TRPM6: variants seen among roughly 807,000 people sequenced by gnomAD.
TRPM6 encodes the protein transient receptor potential cation channel subfamily M member 6.
Under a neutral mutation model 247.6 loss-of-function variants are expected in TRPM6, and 111 were observed. The ratio of observed to expected loss-of-function variants is 0.45; its 90% CI spans 0.38 to 0.52. The LOEUF (loss-of-function observed/expected upper bound fraction) is 0.52, where lower values mean the gene tolerates loss of function less well. Among genes scored for constraint, TRPM6 ranks in the 20% least tolerant of loss-of-function variants. The pLI, the probability that TRPM6 is intolerant of heterozygous loss-of-function variation, is 0.00. For missense variants in TRPM6, 2,126 were observed against 2,421.5 expected, an observed-to-expected ratio of 0.88 and a Z score of 2.56; for synonymous variants, 892 against 853.8, an observed-to-expected ratio of 1.04 and a Z score of -0.78.
intron 23 of TRPM6, among the ~76,000 whole-genome samples, chr9:74,778,408 C>A (rs538245979): frequency 6.6e-6 from 1 of 152,212 alleles, no homozygotes; most frequent in East Asian, 1.9e-4. Context: ...TGAGATGTGA[C>A]TGTCACCAAC....
chr9:74,873,361 T>C (rs1831087977), intron 1 of TRPM6, among the ~76,000 whole-genome samples: 1 of 152,226 alleles, frequency 6.6e-6, no homozygotes, highest in Non-Finnish European at 1.5e-5. Flanking sequence ...CTGTACTCTA[T>C]GTCTCCAAAG....
intron 30 of TRPM6, among the ~76,000 whole-genome samples, chr9:74,749,412 T>C (rs1826163746): frequency 6.6e-6 from 1 of 152,246 alleles, no homozygotes; most frequent in Non-Finnish European, 1.5e-5. Context: ...TGTTTTTTAA[T>C]TAGCTTTGTG....
rs767563071 is a variant in TRPM6, at chr9:74,808,141, T to A, written c.1531A>T (p.Ile511Phe). The A allele has an allele frequency of 1.2e-6, 2 of 1,614,012 alleles. No individual in the cohort carries two copies. Among genetic ancestry groups the A allele is most frequent in the Non-Finnish European group, 8.5e-7 (1 of 1,179,938 alleles). The change falls in exon 14 of 39, where the codon ATT becomes TTT. Residue 511 changes from isoleucine to phenylalanine, a missense_variant. Coordinates refer to ENST00000360774, the MANE Select transcript of TRPM6 (RefSeq NM_017662.5). The stretch of plus-strand genomic sequence containing the variant: ...TATTCTACTACTAATCCAATGTCAA[T>A]CAAGGTTATTCGGTAGCCTGAAAGA... Reference protein sequence around the residue: ...TLLSGYRITLIDIGLVVEYLI... With the variant: ...TLLSGYRITLFDIGLVVEYLI...
chr9:74,781,629 A>G (rs574728729), intron 23 of TRPM6, among the ~76,000 whole-genome samples: 2 of 152,064 alleles, frequency 1.3e-5, no homozygotes, highest in East Asian at 1.9e-4. Flanking sequence ...AAGGAGAGGA[A>G]GAAAGAGAGA....
rs1394959339 is a variant in TRPM6, at chr9:74,723,758, T to C, written c.*855A>G. The C allele has an allele frequency of 6.7e-6, 1 of 148,604 alleles. No homozygotes were observed. The highest frequency in any genetic ancestry group is 2.1e-4 in the South Asian group (1 of 4,752). The allele number at this position is 148,604 out of a possible 1,614,324, so 9.2% of individuals were successfully genotyped here. On this transcript the variant is annotated 3_prime_UTR_variant, in exon 39 of 39. Transcript: ENST00000360774. ...CAGAGGTTGCAGTGAGATCGCATCA[T>C]TGCACTCCAGCCTGGGTAAAAAGAG...
At chr9:74,861,931 C>T (rs1309055998) in intron 1 of TRPM6, among the ~76,000 whole-genome samples, 3 of 151,950 alleles carry the variant, frequency 2.0e-5, no homozygotes, top group African/African-American at 7.3e-5. Context: ...GCCCCAGGGC[C>T]TAACCCAATG....
chr9:74,811,046 T>C (rs1385471215), intron 12 of TRPM6, among the ~76,000 whole-genome samples, 178 bp from the exon 13 acceptor site: 1 of 152,182 alleles, frequency 6.6e-6, no homozygotes, highest in Non-Finnish European at 1.5e-5. Context: ...GAAGATGTAT[T>C]TATATGAAAT....
intron 1 of TRPM6, among the ~76,000 whole-genome samples, chr9:74,883,392 G>A (rs1831426607): frequency 6.6e-6 from 1 of 152,088 alleles, no homozygotes; most frequent in Non-Finnish European, 1.5e-5. Context: ...CTCTAGGAAA[G>A]GAAAACCAAA....
chr9:74,797,372 C>T (rs1349355209), intron 17 of TRPM6, among the ~76,000 whole-genome samples: 1 of 152,186 alleles, frequency 6.6e-6, no homozygotes, highest in Non-Finnish European at 1.5e-5. Flanking sequence ...AAATCTGAGG[C>T]TGCTCAAGTC....
At chr9:74,786,671 C>T (rs1193662732) in intron 20 of TRPM6, among the ~76,000 whole-genome samples, 1 of 151,984 alleles carries the variant, frequency 6.6e-6, no homozygotes, top group Non-Finnish European at 1.5e-5. Flanking sequence ...ACCCGGGAGG[C>T]GGAGCTTGCA....
At chr9:74,877,223 G>A (rs571542859) in intron 1 of TRPM6, among the ~76,000 whole-genome samples, 12 of 152,164 alleles carry the variant, frequency 7.9e-5, no homozygotes, top group African/African-American at 2.2e-4. Context: ...CCTAGGTATC[G>A]CCCCAAAAGA....
intron 16 of TRPM6, among the ~76,000 whole-genome samples, chr9:74,801,208 G>A (rs1192377587): frequency 6.9e-6 from 1 of 144,560 alleles, no homozygotes; most frequent in Admixed American, 6.9e-5. Context: ...AAAGTGCTGA[G>A]ATTAAAGGTG....
At chr9:74,874,922 A>AT (rs34049471) in intron 1 of TRPM6, among the ~76,000 whole-genome samples, 28,247 of 142,720 alleles carry the variant, frequency 0.2, 2,999 homozygotes, top group Middle Eastern at 0.35. Context: ...TGCCCAGCTA[A>AT]TTTTTTTTTT....
chr9:74,793,035 C>T (rs1827964084), intron 18 of TRPM6, among the ~76,000 whole-genome samples: 1 of 151,998 alleles, frequency 6.6e-6, no homozygotes, highest in Non-Finnish European at 1.5e-5. Context: ...CACATATCTG[C>T]AATCCCAACT....
At chr9:74,744,816 A>G (rs1339795714) in intron 31 of TRPM6, among the ~76,000 whole-genome samples, 2 of 152,184 alleles carry the variant, frequency 1.3e-5, no homozygotes, top group East Asian at 3.9e-4. Context: ...TGGTCTCATG[A>G]TGGCAACTGT....
intron 7 of TRPM6, 134 bp downstream of exon 7, chr9:74,827,644 G>T (rs556985955): frequency 4.6e-6 from 4 of 872,478 alleles, no homozygotes; most frequent in East Asian, 2.5e-5. Flanking sequence ...ATGTGGGAAG[G>T]GGGGTGGCTG....
At chr9:74,777,457 C>T (rs974587448) in intron 23 of TRPM6, among the ~76,000 whole-genome samples, 21 of 152,148 alleles carry the variant, frequency 1.4e-4, no homozygotes, top group Non-Finnish European at 2.8e-4. Context: ...TCTTTTTTGA[C>T]ACTGGACATT....
chr9:74,835,672 T>C (rs1408704733), intron 5 of TRPM6, among the ~76,000 whole-genome samples: 1 of 152,152 alleles, frequency 6.6e-6, no homozygotes, highest in Non-Finnish European at 1.5e-5. Flanking sequence ...CAAAAAATTG[T>C]GGCACTGAGA....
chr9:74,789,584 T>C (rs1827821700), intron 19 of TRPM6, among the ~76,000 whole-genome samples: 1 of 152,196 alleles, frequency 6.6e-6, no homozygotes, highest in Non-Finnish European at 1.5e-5. Context: ...ATTACACTAT[T>C]ATCAACAATG....
Sources: allele counts gnomAD v4.1 joint callset (sites outside exome capture counted in the v4.1 genomes callset), GRCh38; gene constraint gnomAD v4.1.1; transcripts MANE v1.5; gene names NCBI Gene and HGNC (gene_info 2026-07-23, HGNC 2026-07-21).